AHNAK: variants seen among roughly 807,000 people sequenced by gnomAD.
AHNAK encodes neuroblast differentiation-associated protein AHNAK.
A neutral mutation model predicts 37.8 loss-of-function variants in AHNAK; 23 were observed. The observed-to-expected ratio is 0.61, with a 90% CI of 0.44 to 0.86. The LOEUF (loss-of-function observed/expected upper bound fraction) is 0.86. AHNAK is among the 40% of genes least tolerant of loss of function. AHNAK has a pLI of 0.00. For synonymous variants in AHNAK, 2,481 were observed against 2,636.3 expected (o/e 0.94, Z 1.80); for missense variants, 7,411 against 7,319.4 (o/e 1.01, Z -0.46).
intron 4 of AHNAK, among the ~76,000 whole-genome samples, chr11:62,502,063 C>T (rs1939721798): frequency 6.6e-6 from 1 of 152,166 alleles, no homozygotes; most frequent in African/African-American, 2.4e-5. Context: ...TCTTCCACAC[C>T]CGAGCACTCC....
Position 62,522,643 on chromosome 11 carries a change from C to A in AHNAK, c.11774G>T (p.Gly3925Val). 1 of 1,612,836 alleles carries A rather than the reference C, an allele frequency of 6.2e-7. No homozygotes were observed. ...DINAPDVDVR[G>V]PDWHLKMPKI... ...AGGCATCTTCAGGTGCCAGTCTGGG[C>A]CTCGAACATCCACATCTGGGGCATT... Residue 3925 changes from glycine to valine, a missense_variant, in exon 5 of 5, where the codon GGC (glycine) becomes GTC (valine). Transcript: ENST00000378024.
chr11:62,449,190 T>C (rs1044698699), intron 5 of AHNAK, among the ~76,000 whole-genome samples: 1 of 152,210 alleles, frequency 6.6e-6, no homozygotes, highest in African/African-American at 2.4e-5. Context: ...TCTCATGGTG[T>C]GAGTTTGCCA....
Position 62,522,849 on chromosome 11 carries a change from C to G in AHNAK, c.11568G>C (p.Leu3856Phe). Residue 3856 changes from leucine (L) to phenylalanine (F), a missense_variant, in exon 5 of 5, where the codon TTG becomes TTC. Transcript: ENST00000378024. ...DVNIEGPEGK[L>F]KGPKFKMPEM... is the part of the protein sequence containing the mutation. ...CAGGCATCTTGAATTTGGGACCTTT[C>G]AACTTTCCCTCTGGGCCTTCGATAT... The G allele has an allele frequency of 1.2e-6, 2 of 1,612,806 alleles. No homozygotes were observed. Among genetic ancestry groups the G allele is most frequent in the Non-Finnish European group, 1.7e-6 (2 of 1,179,780 alleles).
In AHNAK at chr11:62,517,119, G is replaced by C; in HGVS notation, c.17298C>G (p.Gly5766=). 2 of 1,613,048 alleles carry C rather than the reference G, an allele frequency of 1.2e-6. No individual in the cohort carries two copies. The highest frequency in any genetic ancestry group is 1.7e-6 in the Non-Finnish European group (2 of 1,179,836). Residue 5766 remains glycine, a synonymous_variant, in exon 5 of 5, where the codon GGC becomes GGG. Coordinates refer to ENST00000378024, the MANE Select transcript of AHNAK (RefSeq NM_001620.3). ...EAEAEASSPK[G]KFSLFKSKKP... ...TCTTACTTTTAAATAAGGAGAATTTGCCTTTCGGTGAAGAGGCTTCGGCCT... is the reference window on the plus strand; with the variant it reads ...TCTTACTTTTAAATAAGGAGAATTTCCCTTTCGGTGAAGAGGCTTCGGCCT...
Position 62,533,151 on chromosome 11 carries a change from A to C in AHNAK, c.1266T>G (p.Val422=), listed in dbSNP as rs761960829. Residue 422 remains valine (V), a synonymous_variant, in exon 5 of 5, where the codon GTT becomes GTG. Coordinates refer to ENST00000378024, the MANE Select transcript of AHNAK (RefSeq NM_001620.3). ...SVEVQAPDID[V]QGPGSKLNVP... ...CATTCAGTTTGCTCCCAGGCCCCTG[A>C]ACATCAATGTCAGGGGCCTGAACTT... 4 of 1,544,044 alleles carry C rather than the reference A, an allele frequency of 2.6e-6. No individual in the cohort carries two copies. In the Admixed American group the frequency reaches 8.7e-5, roughly 34 times the overall value.
chr11:62,516,738 G>C lies in AHNAK; in HGVS notation c.*6C>G. ...ATATATATATGTACACACATACAAA[G>C]GCCTGCTACTCTTTCTTTGTGGAAA... is the stretch of plus-strand genomic sequence containing the variant. On this transcript the variant is annotated 3_prime_UTR_variant, in exon 5 of 5. Coordinates refer to ENST00000378024, the MANE Select transcript of AHNAK (RefSeq NM_001620.3). The C allele has an allele frequency of 6.2e-7, 1 of 1,603,194 alleles. No homozygotes were observed. Among genetic ancestry groups the C allele is most frequent in the Non-Finnish European group, 8.5e-7 (1 of 1,175,424 alleles).
At chr11:62,435,159 C>T (rs1938133290) in intron 5 of AHNAK, among the ~76,000 whole-genome samples, 1 of 152,156 alleles carries the variant, frequency 6.6e-6, no homozygotes, top group Admixed American at 6.5e-5. Context: ...TAAATCCTAC[C>T]CATTTTTGAA....
intron 5 of AHNAK, among the ~76,000 whole-genome samples, chr11:62,443,961 G>C (rs143744923): frequency 6.6e-6 from 1 of 152,300 alleles, no homozygotes; most frequent in Non-Finnish European, 1.5e-5. Context: ...CCTCTGCTGA[G>C]AGTCCTCTCA....
At chr11:62,493,969 C>CT (rs2134168443) in intron 4 of AHNAK, among the ~76,000 whole-genome samples, 1 of 152,038 alleles carries the variant, frequency 6.6e-6, no homozygotes, top group African/African-American at 2.4e-5. Context: ...CCCAGGCATT[C>CT]TGGAAATGTT....
rs1555036426 is a variant in AHNAK at position 62,530,535 on chromosome 11, G to A, written c.3882C>T (p.Val1294=). The A allele has an allele frequency of 3.7e-6, 6 of 1,604,292 alleles. No individual in the cohort carries two copies. Among genetic ancestry groups the A allele is most frequent in the Middle Eastern group, 1.7e-4 (1 of 6,002 alleles). ...CCGGGCCCTCAAGGCTCACATCTGG[G>A]ACTTCAACATCCACCTTGGGTCCTG... ...DVSGPKVDVE[V]PDVSLEGPEG... is the part of the protein sequence containing the mutation. The change falls in exon 5 of 5, where the codon GTC becomes GTT. Residue 1294 remains valine, a synonymous_variant. Coordinates refer to ENST00000378024, the MANE Select transcript of AHNAK (RefSeq NM_001620.3).
chr11:62,519,090 A>G lies in AHNAK; in HGVS notation c.15327T>C (p.Pro5109=). 1 of 1,613,722 alleles carries G rather than the reference A, an allele frequency of 6.2e-7. No individual in the cohort carries two copies. Among genetic ancestry groups the G allele is most frequent in the Non-Finnish European group, 8.5e-7 (1 of 1,179,854 alleles). Residue 5109 remains proline, a synonymous_variant, in exon 5 of 5, where the codon CCT becomes CCC. Transcript: ENST00000378024. ...GGAGTTCACCCTCCAGTTTGGGGCT[A>G]GGGAGAGGGGCCTCAGCTTTAAATT... ...SPKFKAEAPL[P]SPKLEGELQA...
chr11:62,482,497 T>C (rs972555550), intron 5 of AHNAK, among the ~76,000 whole-genome samples: 3 of 152,194 alleles, frequency 2.0e-5, no homozygotes, highest in African/African-American at 7.2e-5. Flanking sequence ...GTTCTCTCAA[T>C]GACTTTGGGC....
At chr11:62,441,860 C>T (rs756456359) in intron 5 of AHNAK, among the ~76,000 whole-genome samples, 5 of 152,112 alleles carry the variant, frequency 3.3e-5, no homozygotes, top group South Asian at 2.1e-4. Context: ...TCACCCTCAC[C>T]GAGCCCTCTG....
intron 4 of AHNAK, among the ~76,000 whole-genome samples, chr11:62,493,469 G>A (rs1939545506): frequency 6.6e-6 from 1 of 151,678 alleles, no homozygotes; most frequent in Non-Finnish European, 1.5e-5. Context: ...GGGATTATAG[G>A]CATGTGCCAC....
At position 62,520,176 on chromosome 11, in the gene AHNAK, T is replaced by C; in HGVS notation, c.14241A>G (p.Glu4747=). The change falls in exon 5 of 5, where the codon GAA becomes GAG. Residue 4747 remains glutamate, a synonymous_variant. Coordinates refer to ENST00000378024, the MANE Select transcript of AHNAK (RefSeq NM_001620.3). Reference sequence around the variant, plus strand: ...CAGCTTCTGGGCCCTTGAGGTCACCTTCCACTTTAGGAAGGGTAACATCCA... The same window carrying C: ...CAGCTTCTGGGCCCTTGAGGTCACCCTCCACTTTAGGAAGGGTAACATCCA... The part of the protein sequence containing the change: ...GDVDVTLPKV[E]GDLKGPEADI... The C allele has an allele frequency of 6.2e-7, 1 of 1,613,834 alleles. No individual in the cohort carries two copies. The highest frequency in any genetic ancestry group is 8.5e-7 in the Non-Finnish European group (1 of 1,179,984).
chr11:62,473,215 T>G (rs1276288077), intron 5 of AHNAK, among the ~76,000 whole-genome samples: 2 of 140,998 alleles, frequency 1.4e-5, no homozygotes, highest in African/African-American at 2.7e-5. Context: ...GTCAACATGG[T>G]GAAACCCTGT....
chr11:62,433,641 C>T (rs1241297051), exon 6 of AHNAK: 1 of 591,686 alleles, frequency 1.7e-6, no homozygotes, highest in African/African-American at 1.9e-5. Context: ...TAAGCCCACA[C>T]TCTGTCCCCT....
At position 62,527,054 on chromosome 11, in the gene AHNAK, T is replaced by A; in HGVS notation, c.7363A>T (p.Met2455Leu). The change falls in exon 5 of 5, where the codon ATG (methionine) becomes TTG (leucine). Residue 2455 changes from methionine to leucine, a missense_variant. By Grantham distance (15) the Met-to-Leu change is conservative. Coordinates refer to ENST00000378024, the MANE Select transcript of AHNAK (RefSeq NM_001620.3). ...DMHFKAPNISMPDVDLNLKGP... is the reference protein window; with the variant it reads ...DMHFKAPNISLPDVDLNLKGP... ...TTGAGATTTAGATCAACATCAGGCA[T>A]AGAAATATTGGGGGCTTTGAAATGC... 6.2e-7 allele frequency: 1 copy of A among 1,614,158 alleles called. No individual in the cohort carries two copies. The highest frequency in any genetic ancestry group is 8.5e-7 in the Non-Finnish European group (1 of 1,180,030).
intron 5 of AHNAK, among the ~76,000 whole-genome samples, chr11:62,486,020 CAAAA>C (rs139783265): frequency 1.6e-4 from 11 of 68,412 alleles, no homozygotes; most frequent in Non-Finnish European, 1.8e-4. Context: ...GACTTTGTCT[CAAAA>C]AAAAAAAAAA....
Sources: gnomAD v4.1 joint callset for allele counts (sites outside exome capture counted in the v4.1 genomes callset) on GRCh38, gnomAD v4.1.1 for gene constraint, MANE v1.5 for transcripts, NCBI Gene and HGNC (gene_info 2026-07-23, HGNC 2026-07-21) for gene names.